The following CPT1A variants were observed in gnomAD, a reference collection of about 807,000 sequenced individuals.
CPT1A encodes carnitine palmitoyltransferase 1A, also known as carnitine O-palmitoyltransferase 1, liver isoform.
A neutral mutation model predicts 100.8 loss-of-function variants in CPT1A; 64 were observed. That is an observed-to-expected ratio of 0.63 (90% CI 0.52 to 0.78). CPT1A has a LOEUF of 0.78. CPT1A is among the 30% of genes least tolerant of loss of function. CPT1A has a pLI of 0.00. For missense variants in CPT1A, 802 were observed against 1,034.1 expected (o/e 0.78, Z 3.08); for synonymous variants, 363 against 396.0 (o/e 0.92, Z 0.99).
intron 6 of CPT1A, 152 bp downstream of exon 6, chr11:68,799,066 C>G: frequency 1.4e-6 from 1 of 714,228 alleles, no homozygotes; most frequent in Non-Finnish European, 2.4e-6. Context: ...ACACACTCCA[C>G]TCTGCACAGA....
chr11:68,774,287 C>T (rs781030968), intron 13 of CPT1A, among the ~76,000 whole-genome samples: 2 of 152,106 alleles, frequency 1.3e-5, no homozygotes, highest in Non-Finnish European at 2.9e-5. Flanking sequence ...CAGACCCGTA[C>T]AGATATGTTC....
chr11:68,801,099 ACT>A (rs1371325734), intron 5 of CPT1A, among the ~76,000 whole-genome samples: 1 of 151,988 alleles, frequency 6.6e-6, no homozygotes, highest in African/African-American at 2.4e-5. Context: ...AGAGAGTGAG[ACT>A]CTGTCTCCAA....
In CPT1A at chr11:68,757,436, AG is replaced by A. The variant is rs1946713045; in HGVS notation, c.*207del. The A allele has an allele frequency of 2.1e-6, 3 of 1,436,366 alleles. No homozygotes were observed. Among genetic ancestry groups the A allele is most frequent in the Non-Finnish European group, 2.7e-6 (3 of 1,100,450 alleles). 89.0% of individuals were successfully genotyped at this position (1,436,366 alleles called of 1,614,324 possible). A position where few individuals can be genotyped will look rare whatever the true frequency, so the allele number is the denominator to read the frequency against. On this transcript the variant is annotated 3_prime_UTR_variant, in exon 19 of 19. Coordinates refer to ENST00000265641, the MANE Select transcript of CPT1A (RefSeq NM_001876.4). ...GGGAGACTTTATCAGATGTCCCCCA[AG>A]GGAGGGCAAGTCTGGAAGTAGTGGG...
intron 6 of CPT1A, among the ~76,000 whole-genome samples, chr11:68,797,582 A>C (rs1456967409): frequency 1.3e-5 from 2 of 152,000 alleles, no homozygotes; most frequent in African/African-American, 4.8e-5. Context: ...CTAAGACAGG[A>C]GGGTTACTTG....
At chr11:68,811,361 G>T (rs1856200139) in intron 3 of CPT1A, among the ~76,000 whole-genome samples, 1 of 152,286 alleles carries the variant, frequency 6.6e-6, no homozygotes, top group East Asian at 1.9e-4. Context: ...GTCTGGCACG[G>T]GGCAGCAGGG....
chr11:68,815,183 T>C (rs573685310), intron 2 of CPT1A, 151 bp downstream of exon 2: 33 of 768,110 alleles, frequency 4.3e-5, no homozygotes, highest in South Asian at 2.9e-4. Flanking sequence ...CTAAAGTCTA[T>C]GTGACGGTGT....
chr11:68,810,482 C>G (rs536489988), intron 3 of CPT1A, among the ~76,000 whole-genome samples: 2 of 152,258 alleles, frequency 1.3e-5, no homozygotes, highest in African/African-American at 4.8e-5. Flanking sequence ...GAGGCCTGAG[C>G]CAGCGTTCCT....
intron 3 of CPT1A, among the ~76,000 whole-genome samples, chr11:68,808,005 C>T (rs982002969): frequency 7.2e-5 from 11 of 152,246 alleles, no homozygotes; most frequent in Admixed American, 1.3e-4. Context: ...TCAGGACCAA[C>T]GGCAGAGGGG....
At position 68,784,814 on chromosome 11, in the gene CPT1A, C is replaced by T. The variant is rs148059333; in HGVS notation, c.1163+1G>A. The stretch of plus-strand genomic sequence containing the variant: ...CAGGACAAGGGACCTAGGCTGCGCA[C>T]CTGTCTCCTGCGGTGAGGGCTGCCA... On this transcript the variant is annotated splice_donor_variant, in intron 10 of 18. Transcript: ENST00000265641. LOFTEE classifies it high-confidence loss of function. 2.4e-5 allele frequency: 38 copies of T among 1,608,180 alleles called. No homozygotes were observed. The highest frequency in any genetic ancestry group is 5.1e-6 in the Non-Finnish European group (6 of 1,179,982).
intron 15 of CPT1A, among the ~76,000 whole-genome samples, chr11:68,761,967 C>T (rs899935662): frequency 6.6e-6 from 1 of 152,064 alleles, no homozygotes; most frequent in Non-Finnish European, 1.5e-5. Flanking sequence ...GCCAGTGTCT[C>T]CTCTGGGGAT....
chr11:68,844,029 G>A (rs1471498732), upstream of CPT1A: 1 of 152,364 alleles, frequency 6.6e-6, no homozygotes, highest in Non-Finnish European at 1.5e-5. Context: ...CTGTTCCCAG[G>A]GCTCTTCGGC....
Position 68,755,091 on chromosome 11 carries a change from A to C in CPT1A, c.*2553T>G. ...TCACCCCCCTTGGACATGTACAATAAGACCCCTCTTTCTCCCCTCAAGGAA... is the reference window on the plus strand; with the variant it reads ...TCACCCCCCTTGGACATGTACAATACGACCCCTCTTTCTCCCCTCAAGGAA... On this transcript the variant is annotated 3_prime_UTR_variant, in exon 19 of 19. Coordinates refer to ENST00000265641, the MANE Select transcript of CPT1A (RefSeq NM_001876.4). 1 of 497,884 alleles carries C rather than the reference A, an allele frequency of 2.0e-6. No homozygotes were observed. Among genetic ancestry groups the C allele is most frequent in the Non-Finnish European group, 3.6e-6 (1 of 278,926 alleles). 30.8% of individuals were successfully genotyped at this position (497,884 alleles called of 1,614,324 possible).
At chr11:68,785,990 A>T in intron 9 of CPT1A, 1 of 702,136 alleles carries the variant, frequency 1.4e-6, no homozygotes, top group Non-Finnish European at 2.6e-6. Context: ...CCTCTTAAGC[A>T]CTGCTCAGTG....
At chr11:68,830,344 C>T (rs552632370) in intron 1 of CPT1A, among the ~76,000 whole-genome samples, 1 of 152,166 alleles carries the variant, frequency 6.6e-6, no homozygotes, top group South Asian at 2.1e-4. Context: ...ACCTGGAGCC[C>T]ACCTGCTGGG....
downstream of CPT1A, chr11:68,754,651 ATG>A: frequency 1.6e-6 from 1 of 617,038 alleles, no homozygotes; most frequent in South Asian, 2.0e-5. Context: ...AGCATCTTTT[ATG>A]TGTCAGGCAC....
intron 6 of CPT1A, among the ~76,000 whole-genome samples, chr11:68,798,998 C>CA (rs917536887): frequency 1.3e-5 from 2 of 151,912 alleles, no homozygotes; most frequent in Non-Finnish European, 2.9e-5. Context: ...TCTGTCTCTA[C>CA]AAAAAAATCC....
intron 4 of CPT1A, among the ~76,000 whole-genome samples, chr11:68,806,018 A>G (rs1856035376): frequency 7.2e-6 from 1 of 139,210 alleles, no homozygotes; most frequent in East Asian, 2.1e-4. Flanking sequence ...AAGCCCATAA[A>G]TTTTTTTTTT....
chr11:68,805,706 C>G lies in CPT1A; in HGVS notation c.454-1605G>C, dbSNP rs143898535. On this transcript the variant is annotated intron_variant, in intron 4 of 18. Coordinates refer to ENST00000265641, the MANE Select transcript of CPT1A (RefSeq NM_001876.4). Reference sequence around the variant, plus strand: ...GGCAGACCCACGGATCAGCCCCATTCGAGAAAGATTCTGCAGAAAATGTTT... The same window carrying G: ...GGCAGACCCACGGATCAGCCCCATTGGAGAAAGATTCTGCAGAAAATGTTT... Among the ~76,000 whole-genome samples the G allele has an allele frequency of 1.1e-3, 167 of 152,302 alleles. 2 individuals carry two copies. Among genetic ancestry groups the G allele is most frequent in the East Asian group, 6.8e-3 (35 of 5,176 alleles).
chr11:68,808,834 A>G (rs113305742), intron 3 of CPT1A, among the ~76,000 whole-genome samples: 4 of 151,472 alleles, frequency 2.6e-5, no homozygotes, highest in African/African-American at 9.7e-5. Context: ...GGCCAGGTGC[A>G]GTGGCTCAAG....
Sources: allele counts gnomAD v4.1 joint callset (sites outside exome capture counted in the v4.1 genomes callset), GRCh38; gene constraint gnomAD v4.1.1; transcripts MANE v1.5; gene names NCBI Gene and HGNC (gene_info 2026-07-23, HGNC 2026-07-21).